Variants in TOP2B observed in about 807,000 individuals in gnomAD.
TOP2B encodes DNA topoisomerase 2-beta.
A neutral mutation model predicts 193.5 loss-of-function variants in TOP2B; 51 were observed. The ratio of observed to expected loss-of-function variants is 0.26; its 90% confidence interval spans 0.21 to 0.33. The LOEUF (loss-of-function observed/expected upper bound fraction) is 0.33. TOP2B is among the 10% of genes least tolerant of loss of function. The probability of loss-of-function intolerance (pLI) is 1.00; values close to 1 mark genes in which losing one functional copy is unlikely to be tolerated. For synonymous variants in TOP2B, 634 were observed against 635.7 expected (o/e 1.00, Z 0.04); for missense variants, 1,378 against 1,909.3 (o/e 0.72, Z 5.19).
At chr3:25,608,869 G>A (rs960236128) in intron 30 of TOP2B, among the ~76,000 whole-genome samples, 3 of 152,018 alleles carry the variant, frequency 2.0e-5, no homozygotes, top group East Asian at 3.8e-4. Context: ...AAACCACAAA[G>A]CACTTCTAAT....
chr3:25,628,830 T>G lies in TOP2B; in HGVS notation c.1906+17A>C. On this transcript the variant is annotated intron_variant, in intron 15 of 35. Coordinates refer to ENST00000264331, the MANE Select transcript of TOP2B (RefSeq NM_001330700.2). ...TTTATATCAGTATTTAAAATCTAAG[T>G]ATTTTAAAATACAAACCTTTATAGT... 7.5e-7 allele frequency: 1 copy of G among 1,342,088 alleles called. No homozygotes were observed. The highest frequency in any genetic ancestry group is 1.0e-6 in the Non-Finnish European group (1 of 973,648). 83.1% of individuals were successfully genotyped at this position (1,342,088 alleles called of 1,614,324 possible).
chr3:25,625,975 T>C (rs1183693531), intron 18 of TOP2B, among the ~76,000 whole-genome samples: 1 of 151,996 alleles, frequency 6.6e-6, no homozygotes, highest in Non-Finnish European at 1.5e-5. Flanking sequence ...GATTTGTGGC[T>C]AGAACTTGAG....
At position 25,664,775 on chromosome 3, in the gene TOP2B, G is replaced by A; in HGVS notation, c.-478C>T. 1.0e-6 allele frequency: 1 copy of A among 986,510 alleles called. No homozygotes were observed. The highest frequency in any genetic ancestry group is 1.2e-6 in the Non-Finnish European group (1 of 828,856). 61.1% of individuals were successfully genotyped at this position (986,510 alleles called of 1,614,324 possible). On this transcript the variant is annotated 5_prime_UTR_variant, in exon 1 of 36. Transcript: ENST00000264331. ...AGTAGTCGTCCCGGTCGCCGCCGCT[G>A]CTTCAAAGGCAGCCTTAGCCTCGCT...
chr3:25,650,175 A>G (rs1703543953), intron 1 of TOP2B, among the ~76,000 whole-genome samples: 1 of 152,248 alleles, frequency 6.6e-6, no homozygotes, highest in African/African-American at 2.4e-5. Context: ...AATGAGCAGG[A>G]GTACTGTCAT....
At position 25,618,714 on chromosome 3, in the gene TOP2B, T is replaced by C. The variant is rs564996284; in HGVS notation, c.3199A>G (p.Thr1067Ala). The C allele has an allele frequency of 7.4e-6, 12 of 1,613,560 alleles. No individual in the cohort carries two copies. In the African/African-American group the frequency reaches 8.0e-5, roughly 11 times the overall value. ...AAACGGGCTTGATTGTTAAGCTTTG[T>C]AGATTCTGCTCCCAACATTCCCACA... ...WLVGMLGAES[T>A]KLNNQARFIL... Residue 1067 changes from threonine to alanine, a missense_variant, in exon 24 of 36, where the codon ACA becomes GCA. Transcript: ENST00000264331.
At chr3:25,641,184 C>T (rs1413349563) in intron 4 of TOP2B, among the ~76,000 whole-genome samples, 1 of 151,966 alleles carries the variant, frequency 6.6e-6, no homozygotes, top group African/African-American at 2.4e-5. Flanking sequence ...ACTAATATGG[C>T]CAGAACCACA....
chr3:25,615,352 ATACT>A, intron 26 of TOP2B, 64 bp from the exon 27 acceptor site: 2 of 1,556,818 alleles, frequency 1.3e-6, no homozygotes, highest in Non-Finnish European at 1.7e-6. Context: ...ATAAATCAAA[ATACT>A]TATTTTTGGA....
rs1271062410 is a variant in TOP2B at position 25,664,334 on chromosome 3, G to A, written c.-37C>T. ...CCAGCTCACAGGCCCTGAGGCCGCA[G>A]CCGCCGCTCCCGCCTCCCTGCGGGC... On this transcript the variant is annotated 5_prime_UTR_variant, in exon 1 of 36. Transcript: ENST00000264331. 1.4e-6 allele frequency: 2 copies of A among 1,437,142 alleles called. No individual in the cohort carries two copies. The highest frequency in any genetic ancestry group is 2.8e-5 in the Admixed American group (1 of 36,202). 89.0% of individuals were successfully genotyped at this position (1,437,142 alleles called of 1,614,324 possible).
intron 15 of TOP2B, 96 bp from the exon 16 acceptor site, chr3:25,627,392 C>T (rs1440915162): frequency 1.4e-6 from 1 of 708,694 alleles, no homozygotes; most frequent in Non-Finnish European, 2.3e-6. Context: ...ATAGATGGAT[C>T]AAGCTGGCAA....
At chr3:25,661,242 G>A (rs980833021) in intron 1 of TOP2B, among the ~76,000 whole-genome samples, 18 of 152,196 alleles carry the variant, frequency 1.2e-4, no homozygotes, top group Admixed American at 4.6e-4. Flanking sequence ...CAGGTGATCC[G>A]CCTGCCTTGG....
chr3:25,599,657 T>C (rs534357739), intron 34 of TOP2B, 128 bp from the exon 35 acceptor site: 2 of 795,244 alleles, frequency 2.5e-6, no homozygotes, highest in Admixed American at 6.3e-5. Flanking sequence ...GATCTCTTAC[T>C]ATGAGTGATT....
chr3:25,622,811 T>G (rs755462769), intron 21 of TOP2B, among the ~76,000 whole-genome samples: 13 of 152,132 alleles, frequency 8.5e-5, no homozygotes, highest in Non-Finnish European at 1.8e-4. Context: ...CGGCTAATTT[T>G]TGTATTTTTA....
At chr3:25,599,772 T>C (rs1363057165) in intron 34 of TOP2B, among the ~76,000 whole-genome samples, 4 of 152,252 alleles carry the variant, frequency 2.6e-5, no homozygotes, top group Non-Finnish European at 5.9e-5. Context: ...CAAATTTTAA[T>C]GATGAATCCC....
chr3:25,622,998 G>A (rs188798408), intron 21 of TOP2B, among the ~76,000 whole-genome samples: 14 of 152,068 alleles, frequency 9.2e-5, no homozygotes, highest in South Asian at 2.1e-4. Flanking sequence ...GTCTGGTCTC[G>A]AACTCCTGAC....
intron 1 of TOP2B, among the ~76,000 whole-genome samples, chr3:25,655,253 T>C (rs551034484): frequency 6.6e-6 from 1 of 152,172 alleles, no homozygotes; most frequent in African/African-American, 2.4e-5. Context: ...ATTCTCCAAA[T>C]AAGATATGCA....
In TOP2B at chr3:25,620,822, G is replaced by A. The variant is rs762652857; in HGVS notation, c.2728-6C>T. The stretch of plus-strand genomic sequence containing the variant: ...AAGTTTTTGTAGTTTGGAAGCTGTA[G>A]AGAAAAAGGTAAATAGCATTGACTT... On this transcript the variant is annotated splice_region_variant and splice_polypyrimidine_tract_variant and intron_variant, in intron 21 of 35. Transcript: ENST00000264331. 3 of 1,612,382 alleles carry A rather than the reference G, an allele frequency of 1.9e-6. No homozygotes were observed. The highest frequency in any genetic ancestry group is 3.3e-5 in the Admixed American group (2 of 59,824).
In TOP2B at chr3:25,606,063, T is replaced by C; in HGVS notation, c.4358A>G (p.Tyr1453Cys). Residue 1453 changes from tyrosine to cysteine, a missense_variant, in exon 32 of 36, where the codon TAT becomes TGT. Around this residue, in one of 9 missense-constraint regions of TOP2B, gnomAD observed 556 missense variants for 584.2 expected, o/e 0.95. Transcript: ENST00000264331. ...DFGNLFSFPSYSQKSEDDSAK... is the reference protein window; with the variant it reads ...DFGNLFSFPSCSQKSEDDSAK... Reference sequence around the variant, plus strand: ...CATACCATCTTCTGACTTCTGAGAATATGAAGGAAATGAGAAGAGATTTCC... The same window carrying C: ...CATACCATCTTCTGACTTCTGAGAACATGAAGGAAATGAGAAGAGATTTCC... 6.6e-7 allele frequency: 1 copy of C among 1,504,022 alleles called. No homozygotes were observed. The highest frequency in any genetic ancestry group is 8.9e-7 in the Non-Finnish European group (1 of 1,117,964). The allele number at this position is 1,504,022 out of a possible 1,614,324, so 93.2% of individuals were successfully genotyped here.
chr3:25,664,906 A>G lies in TOP2B; in HGVS notation c.-609T>C. ...TCTTGTCCGGCATAACACCGCACAC[A>G]CACATTTGCACACCGGGGAGAGAGG... is the stretch of plus-strand genomic sequence containing the variant. On this transcript the variant is annotated 5_prime_UTR_variant, in exon 1 of 36. Coordinates refer to ENST00000264331, the MANE Select transcript of TOP2B (RefSeq NM_001330700.2). 1 of 986,260 alleles carries G rather than the reference A, an allele frequency of 1.0e-6. No homozygotes were observed. Among genetic ancestry groups the G allele is most frequent in the Non-Finnish European group, 1.2e-6 (1 of 829,378 alleles). The allele number at this position is 986,260 out of a possible 1,614,324, so 61.1% of individuals were successfully genotyped here.
At chr3:25,642,258 C>T (rs967830709) in intron 4 of TOP2B, 64 bp downstream of exon 4, 2 of 934,712 alleles carry the variant, frequency 2.1e-6, no homozygotes, top group Non-Finnish European at 1.6e-6. Flanking sequence ...TTGAGGAGTA[C>T]TCATAAATTG....
Sources: gnomAD v4.1 joint callset for allele counts (sites outside exome capture counted in the v4.1 genomes callset) on GRCh38, gnomAD v4.1.1 for gene constraint, gnomAD v4.1.1 regional missense constraint, MANE v1.5 for transcripts, NCBI Gene and HGNC (gene_info 2026-07-23, HGNC 2026-07-21) for gene names.